Variants in FGFR2 observed in about 807,000 individuals in gnomAD.
The protein encoded by FGFR2 is fibroblast growth factor receptor 2, also known as BEK fibroblast growth factor receptor.
In FGFR2, 19 loss-of-function variants were observed where a neutral mutation model predicts 95.9. The ratio of observed to expected loss-of-function variants is 0.20; its 90% confidence interval spans 0.14 to 0.29. The LOEUF is 0.29. Among genes scored for constraint, FGFR2 ranks in the 10% least tolerant of loss-of-function variants. FGFR2 has a pLI of 1.00. For synonymous variants in FGFR2, 392 were observed against 393.3 expected (o/e 1.00, Z 0.04); for missense variants, 707 against 1,056.9 (o/e 0.67, Z 4.59).
At chr10:121,563,091 T>G (rs1459697806) in intron 4 of FGFR2, among the ~76,000 whole-genome samples, 1 of 152,134 alleles carries the variant, frequency 6.6e-6, no homozygotes, top group Non-Finnish European at 1.5e-5. Context: ...AATACATAAA[T>G]TAGGCTGGGC....
At chr10:121,503,698 G>C (rs2134049276) in intron 10 of FGFR2, 92 bp downstream of exon 10, 1 of 1,406,138 alleles carries the variant, frequency 7.1e-7, no homozygotes, top group Non-Finnish European at 1.0e-6. Context: ...CAAGACCTTT[G>C]TGGCTAAGGG....
At chr10:121,596,818 G>C (rs1048195389) in intron 1 of FGFR2, among the ~76,000 whole-genome samples, 13 of 152,064 alleles carry the variant, frequency 8.5e-5, no homozygotes, top group Middle Eastern at 3.4e-3. Flanking sequence ...CCCCCTTCTC[G>C]GGGCGCTAAA....
chr10:121,491,362 G>A (rs889000600), intron 13 of FGFR2, among the ~76,000 whole-genome samples: 7 of 152,132 alleles, frequency 4.6e-5, no homozygotes, highest in African/African-American at 1.7e-4. Context: ...CCAGCACAGG[G>A]AGCTGACCAT....
At chr10:121,491,287 C>T (rs531249348) in intron 13 of FGFR2, among the ~76,000 whole-genome samples, 8 of 152,150 alleles carry the variant, frequency 5.3e-5, no homozygotes, top group Admixed American at 3.9e-4. Flanking sequence ...AACCCACACC[C>T]GAGAAAAAGA....
At chr10:121,569,091 G>A (rs770516347) in intron 2 of FGFR2, among the ~76,000 whole-genome samples, 10 of 152,104 alleles carry the variant, frequency 6.6e-5, no homozygotes, top group African/African-American at 9.7e-5. Flanking sequence ...ACAACATGTC[G>A]GGCTAATGAC....
chr10:121,597,910 G>A lies in FGFR2; in HGVS notation c.-151+52C>T, dbSNP rs1010020812. ...ACCCGGCGTCCCGGGCTCCCGTGGC[G>A]CCCACGTCCCCGGCTGGCGAAGCTC... is the stretch of plus-strand genomic sequence containing the variant. On this transcript the variant is annotated intron_variant, in intron 1 of 17. Transcript: ENST00000358487. 3 of 389,604 alleles carry A rather than the reference G, an allele frequency of 7.7e-6. No homozygotes were observed. In the East Asian group the frequency reaches 1.1e-4, roughly 14 times the overall value. The allele number at this position is 389,604 out of a possible 1,614,324, so 24.1% of individuals were successfully genotyped here.
chr10:121,556,016 C>T (rs1053962618), intron 4 of FGFR2, among the ~76,000 whole-genome samples: 1 of 152,098 alleles, frequency 6.6e-6, no homozygotes, highest in African/African-American at 2.4e-5. Context: ...AAAAATACTC[C>T]TTCTGATGCT....
rs531611656 is a variant in FGFR2, at chr10:121,560,593, C to G, written c.454+3909G>C. Among the ~76,000 whole-genome samples the G allele has an allele frequency of 2.4e-4, 26 of 106,694 alleles. 1 individual carries two copies. In the South Asian group the frequency reaches 8.4e-3, roughly 35 times the overall value. 70.0% of individuals were successfully genotyped at this position (106,694 alleles called of 152,430 possible). A position where few individuals can be genotyped will look rare whatever the true frequency, so the allele number is the denominator to read the frequency against. On this transcript the variant is annotated intron_variant, in intron 4 of 17. Coordinates refer to ENST00000358487, the MANE Select transcript of FGFR2 (RefSeq NM_000141.5). Reference sequence around the variant, plus strand: ...TAGCACCACTGCACTCCAGCCTGGGCAACAGAGCAAGACTCCGTCCCCAAA... The same window carrying G: ...TAGCACCACTGCACTCCAGCCTGGGGAACAGAGCAAGACTCCGTCCCCAAA...
At chr10:121,580,103 C>A (rs555738881) in intron 2 of FGFR2, among the ~76,000 whole-genome samples, 1 of 152,214 alleles carries the variant, frequency 6.6e-6, no homozygotes, top group African/African-American at 2.4e-5. Flanking sequence ...ATAGAGCAGG[C>A]CCTCCCACAC....
At chr10:121,541,249 C>T (rs1853698720) in intron 5 of FGFR2, among the ~76,000 whole-genome samples, 1 of 152,180 alleles carries the variant, frequency 6.6e-6, no homozygotes. Context: ...TTTTCTTACA[C>T]CATTGCTCCA....
chr10:121,503,644 G>T, intron 10 of FGFR2, 146 bp downstream of exon 10: 1 of 861,364 alleles, frequency 1.2e-6, no homozygotes, highest in African/African-American at 1.7e-5. Context: ...TCCAGGAGTT[G>T]GTTATTTAGA....
At chr10:121,519,867 T>C in intron 7 of FGFR2, 112 bp downstream of exon 7, 4 of 1,012,196 alleles carry the variant, frequency 4.0e-6, no homozygotes, top group Non-Finnish European at 4.6e-6. Context: ...TGCTGGCTAG[T>C]CAAAAAAGAG....
intron 2 of FGFR2, among the ~76,000 whole-genome samples, chr10:121,571,981 C>A (rs11200010): frequency 0.28 from 41,876 of 151,068 alleles, 5,923 homozygotes; most frequent in Admixed American, 0.34. Flanking sequence ...TGTTTTGATA[C>A]TTTAAAAATG....
chr10:121,515,034 G>A, intron 9 of FGFR2, 83 bp downstream of exon 9: 1 of 1,300,578 alleles, frequency 7.7e-7, no homozygotes. Context: ...AGAAGTCGAT[G>A]GCATCAAAGC....
chr10:121,493,104 C>T (rs958012825), intron 13 of FGFR2, among the ~76,000 whole-genome samples: 3 of 152,148 alleles, frequency 2.0e-5, no homozygotes, highest in Non-Finnish European at 4.4e-5. Flanking sequence ...GCTTCCTCAT[C>T]GTCCTCCCCC....
chr10:121,516,717 A>G (rs1849745208), intron 8 of FGFR2, among the ~76,000 whole-genome samples: 1 of 152,230 alleles, frequency 6.6e-6, no homozygotes, highest in African/African-American at 2.4e-5. Flanking sequence ...TTTCTCTGTG[A>G]GGCAGAAATA....
At chr10:121,545,825 A>T (rs1325614400) in intron 5 of FGFR2, among the ~76,000 whole-genome samples, 1 of 152,214 alleles carries the variant, frequency 6.6e-6, no homozygotes, top group Non-Finnish European at 1.5e-5. Context: ...TTTAAAAATC[A>T]TCTTTTCTTA....
intron 6 of FGFR2, chr10:121,526,028 G>A (rs1007849752): frequency 7.6e-6 from 3 of 394,874 alleles, no homozygotes; most frequent in African/African-American, 4.1e-5. Context: ...CAAGAGACTC[G>A]AATCACACGG....
At chr10:121,586,308 G>A (rs527740272) in intron 2 of FGFR2, among the ~76,000 whole-genome samples, 1 of 152,268 alleles carries the variant, frequency 6.6e-6, no homozygotes, top group East Asian at 1.9e-4. Context: ...TCTCGTTCTT[G>A]AATCTATCAG....
Sources: gnomAD v4.1 joint callset for allele counts (sites outside exome capture counted in the v4.1 genomes callset) on GRCh38, gnomAD v4.1.1 for gene constraint, MANE v1.5 for transcripts, NCBI Gene and HGNC (gene_info 2026-07-23, HGNC 2026-07-21) for gene names.